Variants in ANO6 observed in about 807,000 individuals in gnomAD.
ANO6 encodes anoctamin 6, also known as anoctamin-6.
Under a neutral mutation model 117.5 loss-of-function variants are expected in ANO6, and 106 were observed. That is an observed-to-expected ratio of 0.90 (90% CI 0.77 to 1.06). The LOEUF (loss-of-function observed/expected upper bound fraction) is 1.06. Ranked by LOEUF, ANO6 falls within the 50% of genes least tolerant of loss-of-function variation. ANO6 has a pLI of 0.00. For synonymous variants in ANO6, 367 were observed against 385.1 expected (o/e 0.95, Z 0.55); for missense variants, 955 against 1,121.1 (o/e 0.85, Z 2.12).
chr12:45,318,665 T>G (rs1291631711), intron 2 of ANO6, among the ~76,000 whole-genome samples: 2 of 152,128 alleles, frequency 1.3e-5, no homozygotes, highest in East Asian at 1.9e-4. Flanking sequence ...GTGAAGAAAG[T>G]CATTGGTAGC....
Position 45,363,589 on chromosome 12 carries a change from G to A in ANO6, c.999-4099G>A, listed in dbSNP as rs1308300301. On this transcript the variant is annotated intron_variant, in intron 8 of 19. Coordinates refer to ENST00000320560, the MANE Select transcript of ANO6 (RefSeq NM_001025356.3). ...AAAAAAAAAAAAAAGAAAAAAGGGT[G>A]TTCAGTCTGTGTTTCTGGTAGGGCA... 2.0e-5 allele frequency among the ~76,000 whole-genome samples: 3 copies of A among 151,672 alleles called. No individual in the cohort carries two copies. The South Asian group carries it at 6.2e-4, about 32-fold the overall frequency.
chr12:45,244,111 C>T (rs1947786175), intron 1 of ANO6, among the ~76,000 whole-genome samples: 1 of 152,138 alleles, frequency 6.6e-6, no homozygotes, highest in Admixed American at 6.5e-5. Context: ...AAAATATAAT[C>T]TAAAATCATA....
intron 9 of ANO6, 70 bp downstream of exon 9, chr12:45,367,863 C>T (rs941040929): frequency 2.6e-4 from 297 of 1,123,594 alleles, no homozygotes; most frequent in Middle Eastern, 2.0e-4. Context: ...TTAGATAAAA[C>T]ATAGTATTGT....
At chr12:45,270,887 T>C (rs886955989) in intron 1 of ANO6, among the ~76,000 whole-genome samples, 1 of 152,066 alleles carries the variant, frequency 6.6e-6, no homozygotes, top group Non-Finnish European at 1.5e-5. Context: ...ACCCAGCTAA[T>C]TTTTGTATTT....
chr12:45,402,887 C>T (rs970161815), intron 13 of ANO6, among the ~76,000 whole-genome samples, 185 bp from the exon 14 acceptor site: 1 of 152,112 alleles, frequency 6.6e-6, no homozygotes, highest in Non-Finnish European at 1.5e-5. Flanking sequence ...GAACTCATAA[C>T]AATGTGCAAA....
chr12:45,351,226 G>C (rs1001061118), intron 7 of ANO6, among the ~76,000 whole-genome samples: 12 of 152,214 alleles, frequency 7.9e-5, no homozygotes, highest in African/African-American at 2.9e-4. Context: ...CCAGGAACTG[G>C]GATGCAGACC....
intron 1 of ANO6, among the ~76,000 whole-genome samples, chr12:45,282,256 A>G (rs1206597630): frequency 2.0e-5 from 3 of 152,190 alleles, no homozygotes; most frequent in Admixed American, 1.3e-4. Flanking sequence ...AGGCAGTTGG[A>G]TATGTGAATC....
intron 10 of ANO6, among the ~76,000 whole-genome samples, chr12:45,386,374 C>T (rs79277039): frequency 1.3e-5 from 2 of 152,228 alleles, no homozygotes; most frequent in Admixed American, 1.3e-4. Context: ...CTGATCATAA[C>T]CAAACCAGGT....
At chr12:45,325,176 G>T (rs1014135336) in intron 2 of ANO6, among the ~76,000 whole-genome samples, 13 of 152,174 alleles carry the variant, frequency 8.5e-5, no homozygotes, top group Admixed American at 8.5e-4. Context: ...AAATCATAAA[G>T]AATCTGGTTG....
intron 2 of ANO6, among the ~76,000 whole-genome samples, chr12:45,302,523 G>C (rs1372668314): frequency 1.3e-5 from 2 of 152,150 alleles, no homozygotes; most frequent in African/African-American, 4.8e-5. Flanking sequence ...AGCTTTCAGT[G>C]ATACAACCTA....
intron 3 of ANO6, among the ~76,000 whole-genome samples, chr12:45,334,586 C>G (rs954504184): frequency 3.9e-5 from 6 of 152,108 alleles, no homozygotes; most frequent in African/African-American, 1.2e-4. Context: ...TGTTACAAGT[C>G]TCTTCCTAAA....
At chr12:45,333,307 A>G (rs1456296840) in intron 3 of ANO6, among the ~76,000 whole-genome samples, 3 of 152,050 alleles carry the variant, frequency 2.0e-5, no homozygotes, top group Non-Finnish European at 4.4e-5. Context: ...AAAGTAAAAC[A>G]GCTTAGGGTA....
At chr12:45,414,505 A>G (rs1288702473) in intron 16 of ANO6, among the ~76,000 whole-genome samples, 2 of 152,098 alleles carry the variant, frequency 1.3e-5, no homozygotes, top group African/African-American at 4.8e-5. Flanking sequence ...CACTGCTTCA[A>G]AGTATCACTT....
intron 9 of ANO6, among the ~76,000 whole-genome samples, chr12:45,371,177 A>G (rs1273679341): frequency 6.6e-6 from 1 of 152,208 alleles, no homozygotes; most frequent in African/African-American, 2.4e-5. Flanking sequence ...GCGCACCACA[A>G]GATTATATCC....
At chr12:45,338,414 A>G (rs1940886630) in intron 3 of ANO6, among the ~76,000 whole-genome samples, 1 of 152,052 alleles carries the variant, frequency 6.6e-6, no homozygotes, top group Non-Finnish European at 1.5e-5. Flanking sequence ...CATTTGCAAC[A>G]GGTAGTTCAT....
chr12:45,401,306 G>T (rs1942779795), intron 12 of ANO6, among the ~76,000 whole-genome samples: 1 of 152,194 alleles, frequency 6.6e-6, no homozygotes. Context: ...GCAAGGAAAT[G>T]TAGCTCCCTC....
intron 3 of ANO6, 140 bp from the exon 4 acceptor site, chr12:45,346,882 A>C: frequency 1.3e-6 from 1 of 742,168 alleles, no homozygotes; most frequent in South Asian, 1.5e-5. Context: ...CTTCTATTCC[A>C]TTTGCTTGAC....
At chr12:45,312,734 C>T (rs1298818832) in intron 2 of ANO6, among the ~76,000 whole-genome samples, 1 of 152,012 alleles carries the variant, frequency 6.6e-6, no homozygotes, top group Non-Finnish European at 1.5e-5. Flanking sequence ...GTTTACAGCT[C>T]CTTCTCCCAA....
At chr12:45,329,981 T>C (rs149354220) in intron 2 of ANO6, among the ~76,000 whole-genome samples, 2 of 152,258 alleles carry the variant, frequency 1.3e-5, no homozygotes, top group East Asian at 3.9e-4. Flanking sequence ...GATAGTGATA[T>C]CAGCCTAAGA....
Sources: allele counts gnomAD v4.1 joint callset (sites outside exome capture counted in the v4.1 genomes callset), GRCh38; gene constraint gnomAD v4.1.1; transcripts MANE v1.5; gene names NCBI Gene and HGNC (gene_info 2026-07-23, HGNC 2026-07-21).